The following ZFTRAF1 variants were observed in gnomAD, a reference collection of about 807,000 sequenced individuals.
ZFTRAF1 encodes the protein zinc finger TRAF-type-containing protein 1.
At chr8:144,462,255 C>A in the ZFTRAF1 span, 1 of 536,462 alleles carries the variant, frequency 1.9e-6, no homozygotes, top group Non-Finnish European at 3.3e-6. Flanking sequence ...CCGGGCTGGG[C>A]CGGGTCGGGG....
chr8:144,461,707 C>T, the ZFTRAF1 span, among the ~76,000 whole-genome samples: 1 of 152,282 alleles, frequency 6.6e-6, no homozygotes, highest in South Asian at 2.1e-4. Context: ...AACAGCAATC[C>T]CCTCTCCTTA....
the ZFTRAF1 span, chr8:144,452,593 TCA>T: frequency 1.0e-4 from 158 of 1,529,148 alleles, no homozygotes; most frequent in Non-Finnish European, 1.3e-4. Context: ...GGTACATCAC[TCA>T]CAGACTGAGC....
chr8:144,458,707 C>T, the ZFTRAF1 span, among the ~76,000 whole-genome samples: 3 of 152,216 alleles, frequency 2.0e-5, no homozygotes, highest in Admixed American at 6.5e-5. Context: ...AGTGGACACA[C>T]CCTGGTCAGA....
chr8:144,450,908 C>A, the ZFTRAF1 span: 1 of 596,760 alleles, frequency 1.7e-6, no homozygotes, highest in Non-Finnish European at 3.0e-6. Context: ...CTCTGCTTGT[C>A]ACAAGCAAGC....
the ZFTRAF1 span, chr8:144,453,571 G>T: frequency 1.1e-6 from 1 of 942,986 alleles, no homozygotes; most frequent in Non-Finnish European, 1.6e-6. Flanking sequence ...TCCAGCTGGT[G>T]CAGAGGGGCG....
At chr8:144,459,656 G>A in the ZFTRAF1 span, among the ~76,000 whole-genome samples, 3 of 152,210 alleles carry the variant, frequency 2.0e-5, no homozygotes, top group Non-Finnish European at 4.4e-5. Flanking sequence ...ACAAGCTCTC[G>A]AGTTACTGAG....
the ZFTRAF1 span, chr8:144,462,172 C>T: frequency 3.0e-5 from 11 of 369,250 alleles, no homozygotes; most frequent in East Asian, 3.0e-4. Flanking sequence ...AGAGGGTTCC[C>T]GGCCGCCGGG....
chr8:144,454,544 T>G, the ZFTRAF1 span: 1 of 152,336 alleles, frequency 6.6e-6, no homozygotes, highest in Admixed American at 6.5e-5. Flanking sequence ...CTGATGCCTC[T>G]CCAGCAGCCG....
chr8:144,460,614 G>A, the ZFTRAF1 span, among the ~76,000 whole-genome samples: 4 of 152,378 alleles, frequency 2.6e-5, no homozygotes, highest in East Asian at 1.9e-4. Context: ...CAAGCGCAGT[G>A]GCTCATGCCT....
chr8:144,459,392 A>C, the ZFTRAF1 span, among the ~76,000 whole-genome samples: 1 of 152,206 alleles, frequency 6.6e-6, no homozygotes, highest in Non-Finnish European at 1.5e-5. Context: ...TCTAACACCC[A>C]CACAGAGAAC....
the ZFTRAF1 span, chr8:144,452,684 T>A: frequency 1.0e-6 from 1 of 989,934 alleles, no homozygotes; most frequent in Non-Finnish European, 1.5e-6. Flanking sequence ...AGGACACACG[T>A]AACTGTGAGC....
chr8:144,452,447 C>A, the ZFTRAF1 span: 3 of 1,549,762 alleles, frequency 1.9e-6, no homozygotes, highest in African/African-American at 4.1e-5. Flanking sequence ...CCATCCCATC[C>A]AGGATCTCCA....
At chr8:144,460,964 G>A in the ZFTRAF1 span, among the ~76,000 whole-genome samples, 1 of 152,212 alleles carries the variant, frequency 6.6e-6, no homozygotes, top group African/African-American at 2.4e-5. Context: ...GGCACATCTT[G>A]GAAGCTGAGG....
chr8:144,462,373 CG>C, the ZFTRAF1 span: 1 of 468,550 alleles, frequency 2.1e-6, no homozygotes, highest in African/African-American at 2.0e-5. Flanking sequence ...TGCCGGCCGC[CG>C]CCGCCGCCGC....
the ZFTRAF1 span, among the ~76,000 whole-genome samples, chr8:144,458,877 G>A: frequency 6.6e-6 from 1 of 152,226 alleles, no homozygotes; most frequent in Non-Finnish European, 1.5e-5. Context: ...GTTAGAGGGA[G>A]CGGCTGGACC....
the ZFTRAF1 span, among the ~76,000 whole-genome samples, chr8:144,461,203 T>C: frequency 6.6e-6 from 1 of 152,200 alleles, no homozygotes; most frequent in Non-Finnish European, 1.5e-5. Flanking sequence ...CACCACCTGC[T>C]ACAAAAGTAG....
the ZFTRAF1 span, chr8:144,452,617 G>A: frequency 8.0e-6 from 12 of 1,505,096 alleles, no homozygotes; most frequent in African/African-American, 2.8e-5. Context: ...CCGAACAGGA[G>A]GCTGCAACAA....
chr8:144,450,192 G>T, the ZFTRAF1 span: 1 of 555,378 alleles, frequency 1.8e-6, no homozygotes, highest in Non-Finnish European at 3.3e-6. Flanking sequence ...GGCAGGGGTC[G>T]GGGGGGTGAG....
At chr8:144,453,121 G>A in the ZFTRAF1 span, 15 of 1,082,000 alleles carry the variant, frequency 1.4e-5, no homozygotes, top group East Asian at 5.2e-5. Context: ...CCAGACAGCA[G>A]AGACAGCCAG....
Sources: gnomAD v4.1 joint callset for allele counts (sites outside exome capture counted in the v4.1 genomes callset) on GRCh38, gnomAD v4.1.1 for gene constraint, MANE v1.5 for transcripts, NCBI Gene and HGNC (gene_info 2026-07-23, HGNC 2026-07-21) for gene names.